The following NPEPL1 variants were observed in gnomAD, a reference collection of about 807,000 sequenced individuals.
NPEPL1 encodes the protein probable aminopeptidase NPEPL1.
In NPEPL1, 45 loss-of-function variants were observed where a neutral mutation model predicts 52.4. That is an observed-to-expected ratio of 0.86 (90% CI 0.68 to 1.10). The LOEUF (loss-of-function observed/expected upper bound fraction) is 1.10. Ranked by LOEUF, NPEPL1 falls within the 50% of genes least tolerant of loss-of-function variation. NPEPL1 has a pLI of 0.00. For synonymous variants in NPEPL1, 360 were observed against 314.7 expected (o/e 1.14, Z -1.52); for missense variants, 696 against 710.9 (o/e 0.98, Z 0.24).
chr20:58,695,186 GTT>G (rs1249563843), intron 3 of NPEPL1, among the ~76,000 whole-genome samples: 1 of 12,042 alleles, frequency 8.3e-5, no homozygotes, highest in Admixed American at 1.0e-3. Context: ...GGTGTGTGTT[GTT>G]GTGTGTGAGT....
upstream of NPEPL1, chr20:58,691,174 T>C: frequency 1.4e-6 from 1 of 702,794 alleles, no homozygotes; most frequent in Non-Finnish European, 2.6e-6. Flanking sequence ...GCCGTGTGCC[T>C]GTCTGCAACG....
At chr20:58,695,082 GTACGTGTGGTA>G (rs2084445271) in intron 3 of NPEPL1, among the ~76,000 whole-genome samples, 5 of 7,470 alleles carry the variant, frequency 6.7e-4, no homozygotes, top group African/African-American at 1.1e-3. Context: ...TGTGTGTGGT[GTACGTGTGGTA>G]TGTGTTGCTG....
chr20:58,694,469 C>G lies in NPEPL1; in HGVS notation c.384C>G (p.Ala128=). The change falls in exon 3 of 12, where the codon GCC becomes GCG. Residue 128 remains alanine (A), a synonymous_variant. Coordinates refer to ENST00000356091, the MANE Select transcript of NPEPL1 (RefSeq NM_024663.4). ...PEVFASACAL[A]RAFPLFTHRS... ...TCTTTGCTTCCGCCTGTGCCCTGGC[C>G]CGGGCCTTCCCGCTGTTCACCCACC... 6.2e-7 allele frequency: 1 copy of G among 1,613,880 alleles called. No homozygotes were observed. Among genetic ancestry groups the G allele is most frequent in the Non-Finnish European group, 8.5e-7 (1 of 1,179,814 alleles).
rs866434073 is a variant in NPEPL1 at position 58,701,031 on chromosome 20, G to A, written c.695G>A (p.Gly232Asp). 1.9e-6 allele frequency: 3 copies of A among 1,590,350 alleles called. No homozygotes were observed. The highest frequency in any genetic ancestry group is 3.5e-5 in the Admixed American group (2 of 57,504). The change falls in exon 6 of 12, where the codon GGC becomes GAC. Residue 232 changes from glycine (G) to aspartate (D), a missense_variant. By Grantham distance (94) the Gly-to-Asp change is moderately conservative. Transcript: ENST00000356091. Reference sequence around the variant, plus strand: ...CTTTCCATAGGAATCTATGGGGTTGGCAAAGCCGCCCTGCATCCCCCAGCC... The same window carrying A: ...CTTTCCATAGGAATCTATGGGGTTGACAAAGCCGCCCTGCATCCCCCAGCC... ...TRGFGGIYGV[G>D]KAALHPPALA...
At chr20:58,712,007 G>A (rs997914300) in intron 7 of NPEPL1, among the ~76,000 whole-genome samples, 2 of 152,222 alleles carry the variant, frequency 1.3e-5, no homozygotes, top group African/African-American at 4.8e-5. Flanking sequence ...ACCATCTGTT[G>A]GCCACACATT....
In NPEPL1 at chr20:58,692,877, G is replaced by A. The variant is rs770292893; in HGVS notation, c.-24G>A. ...GGCGGGCCGGGCCGGGCCGGGCAGG[G>A]CCGGGGCGTGGGCCGGCAGGAAGAT... is the stretch of plus-strand genomic sequence containing the variant. On this transcript the variant is annotated 5_prime_UTR_variant, in exon 1 of 12. Coordinates refer to ENST00000356091, the MANE Select transcript of NPEPL1 (RefSeq NM_024663.4). The surrounding 1 kb of genome is among the most constrained non-coding windows in gnomAD (Gnocchi z 5.7). The A allele has an allele frequency of 5.8e-6, 6 of 1,026,278 alleles. No homozygotes were observed. In the African/African-American group the frequency reaches 8.7e-5, roughly 15 times the overall value. The allele number at this position is 1,026,278 out of a possible 1,614,324, so 63.6% of individuals were successfully genotyped here.
intron 10 of NPEPL1, chr20:58,714,348 C>T: frequency 1.7e-6 from 1 of 602,806 alleles, no homozygotes. Flanking sequence ...CCCATCAGGC[C>T]CTTTGCTGGC....
At chr20:58,712,775 C>G in intron 8 of NPEPL1, 196 bp downstream of exon 8, 1 of 680,832 alleles carries the variant, frequency 1.5e-6, no homozygotes, top group Non-Finnish European at 2.7e-6. Context: ...CCCATGGCAC[C>G]TGGATGAGGT....
chr20:58,714,287 C>T, intron 10 of NPEPL1, 194 bp downstream of exon 10: 1 of 640,858 alleles, frequency 1.6e-6, no homozygotes, highest in Non-Finnish European at 2.6e-6. Context: ...ACTGGCTTCC[C>T]TGCCACACAG....
intron 3 of NPEPL1, among the ~76,000 whole-genome samples, chr20:58,697,934 C>T (rs565509759): frequency 3.9e-5 from 6 of 152,362 alleles, no homozygotes; most frequent in Admixed American, 2.0e-4. Context: ...GCCAGGCCAG[C>T]AGGGCCCATG....
At chr20:58,691,099 T>G (rs931457903), upstream of NPEPL1, 1 of 703,094 alleles carries the variant, frequency 1.4e-6, no homozygotes, top group Admixed American at 2.0e-5. Context: ...ATTACATCTG[T>G]CAGGGCATGG....
Position 58,705,480 on chromosome 20 carries a change from A to C in NPEPL1, c.823-1643A>C, listed in dbSNP as rs568217311. 1.3e-5 allele frequency: 6 copies of C among 456,282 alleles called. No individual in the cohort carries two copies. In the East Asian group the frequency reaches 4.2e-4, roughly 32 times the overall value. 28.3% of individuals were successfully genotyped at this position (456,282 alleles called of 1,614,324 possible). On this transcript the variant is annotated intron_variant, in intron 6 of 11. Coordinates refer to ENST00000356091, the MANE Select transcript of NPEPL1 (RefSeq NM_024663.4). ...AAGGAAATTCTAACGTGAAATTGGCATTGGTTCATTTTCCCAGAGGGCACG... is the reference window on the plus strand; with the variant it reads ...AAGGAAATTCTAACGTGAAATTGGCCTTGGTTCATTTTCCCAGAGGGCACG...
rs557626424 is a variant in NPEPL1 at position 58,711,882 on chromosome 20, A to T, written c.901-597A>T. ...GTTAAAGATTCGTCTGCGGGAGCAGAGGAAGGGCAGGGACAGGGGTCTGGG... is the reference window on the plus strand; with the variant it reads ...GTTAAAGATTCGTCTGCGGGAGCAGTGGAAGGGCAGGGACAGGGGTCTGGG... On this transcript the variant is annotated intron_variant, in intron 7 of 11. Coordinates refer to ENST00000356091, the MANE Select transcript of NPEPL1 (RefSeq NM_024663.4). Among the ~76,000 whole-genome samples, 13 of 152,336 alleles carry T rather than the reference A, an allele frequency of 8.5e-5. No homozygotes were observed. In the East Asian group the frequency reaches 2.5e-3, roughly 29 times the overall value.
upstream of NPEPL1, chr20:58,691,585 C>G (rs962129911): frequency 1.6e-6 from 1 of 631,894 alleles, no homozygotes; most frequent in Non-Finnish European, 2.8e-6. Context: ...CTTGTGGCTC[C>G]CGGGGCTACA....
At chr20:58,691,997 T>C, upstream of NPEPL1, 1 of 632,362 alleles carries the variant, frequency 1.6e-6, no homozygotes, top group Admixed American at 2.6e-5. Context: ...ACACCCCCGA[T>C]GGCCTTTCCT....
intron 7 of NPEPL1, chr20:58,711,096 T>TCCTCCCCTCCCCCTCCTCCTCC (rs1555851542): frequency 2.3e-5 from 1 of 43,078 alleles, no homozygotes; most frequent in Non-Finnish European, 4.1e-5. Context: ...CCTCCTCTCC[T>TCCTCCCCTCCCCCTCCTCCTCC]CCTCCTCCTC....
upstream of NPEPL1, chr20:58,691,819 T>C: frequency 6.5e-7 from 1 of 1,537,664 alleles, no homozygotes; most frequent in African/African-American, 1.4e-5. Flanking sequence ...CCTTGAGCAA[T>C]CAGGATGTTG....
At chr20:58,714,760 C>A in intron 11 of NPEPL1, 90 bp downstream of exon 11, 1 of 1,025,220 alleles carries the variant, frequency 9.8e-7, no homozygotes, top group South Asian at 1.5e-5. Context: ...TGGCAGAGCT[C>A]ATCAGAAACT....
chr20:58,696,691 G>A (rs765760921), intron 3 of NPEPL1, among the ~76,000 whole-genome samples: 5 of 152,244 alleles, frequency 3.3e-5, no homozygotes, highest in East Asian at 1.9e-4. Flanking sequence ...CAGCTCCTGC[G>A]TCACTCGCCT....
Sources: gnomAD v4.1 joint callset for allele counts (sites outside exome capture counted in the v4.1 genomes callset) on GRCh38, gnomAD v4.1.1 for gene constraint, Gnocchi (gnomAD v3.1) non-coding constraint, MANE v1.5 for transcripts, NCBI Gene and HGNC (gene_info 2026-07-23, HGNC 2026-07-21) for gene names.